The following SSBP4 variants were observed in gnomAD, a reference collection of about 807,000 sequenced individuals.
SSBP4 encodes the protein single-stranded DNA-binding protein 4.
In SSBP4, 33 loss-of-function variants were observed where a neutral mutation model predicts 64.6. That is an observed-to-expected ratio of 0.51 (90% CI 0.39 to 0.68). The LOEUF is 0.68. Among genes scored for constraint, SSBP4 ranks in the 30% least tolerant of loss-of-function variants. The pLI is 0.00. For missense variants in SSBP4, 583 were observed against 566.8 expected, an observed-to-expected ratio of 1.03 and a Z score of -0.29; for synonymous variants, 243 against 224.0, an observed-to-expected ratio of 1.08 and a Z score of -0.76.
At chr19:18,428,056 T>TGGGGGGCGTGGGGGTGGGGGGGGGGGGG in intron 4 of SSBP4, 74 bp downstream of exon 4, 1 of 444,262 alleles carries the variant, frequency 2.3e-6, no homozygotes, top group African/African-American at 3.2e-5. Flanking sequence ...GGAGGTGGGG[T>TGGGGGGCGTGGGGGTGGGGGGGGGGGGG]GGGGGGCTGC....
In SSBP4 at chr19:18,434,185, C is replaced by T. The variant is rs114490014; in HGVS notation, c.1129-32C>T. The T allele has an allele frequency of 3.0e-3, 4,835 of 1,609,714 alleles. 100 individuals carry two copies. The African/African-American group carries it at 0.051, about 17-fold the overall frequency. ...CAGCCTCTTCCGGAGCTGAACTCGG[C>T]CCCTGCGCGCTGCCCCCTCCTCTCT... On this transcript the variant is annotated intron_variant, in intron 17 of 17. Transcript: ENST00000270061.
the SSBP4 span, among the ~76,000 whole-genome samples, chr19:18,413,064 C>T: frequency 6.6e-6 from 1 of 151,834 alleles, no homozygotes; most frequent in South Asian, 2.1e-4. Flanking sequence ...TCAGCCCCGC[C>T]TGGGACAGCT....
chr19:18,425,071 T>C (rs1210313868), intron 1 of SSBP4, among the ~76,000 whole-genome samples: 1 of 34,764 alleles, frequency 2.9e-5, no homozygotes, highest in Non-Finnish European at 5.4e-5. Flanking sequence ...GGGCGGGGGC[T>C]GGAGGCAGGA....
rs745362798 is a variant in SSBP4 at position 18,431,803 on chromosome 19, GCCTCCCTGGCTCCCAGCCCCT to G, written c.517_537del (p.Ser173_Gly179del). On this transcript the variant is annotated inframe_deletion, in exon 8 of 18. Transcript: ENST00000270061. ...GCACCCCCTCCGCAGCCTCCCGCAGGCCTCCCTGGCTCCCAGCCCCTCCTCCCTGGCGCCATGGAGCCCTCC... is the reference window on the plus strand; with the variant it reads ...GCACCCCCTCCGCAGCCTCCCGCAGGCCTCCCTGGCGCCATGGAGCCCTCC... The G allele has an allele frequency of 1.2e-5, 19 of 1,560,576 alleles. No individual in the cohort carries two copies. Among genetic ancestry groups the G allele is most frequent in the African/African-American group, 4.1e-5 (3 of 73,618 alleles).
chr19:18,410,480 A>G, the SSBP4 span, among the ~76,000 whole-genome samples: 10 of 152,304 alleles, frequency 6.6e-5, no homozygotes, highest in Non-Finnish European at 1.3e-4. Context: ...CTAGAAAAAA[A>G]TATGGACAAA....
upstream of SSBP4, chr19:18,419,020 G>A (rs185100431): frequency 1.0e-6 from 1 of 985,600 alleles, no homozygotes; most frequent in Non-Finnish European, 1.2e-6. Context: ...ACTGCCTGAG[G>A]CTTTATGGGG....
At chr19:18,434,079 C>T (rs1295998490) in intron 17 of SSBP4, 138 bp from the exon 18 acceptor site, 2 of 1,373,696 alleles carry the variant, frequency 1.5e-6, no homozygotes, top group Non-Finnish European at 9.4e-7. Context: ...ATCGCCCCTC[C>T]CCCGTTCCCT....
At chr19:18,405,386 C>T in the SSBP4 span, among the ~76,000 whole-genome samples, 15,689 of 151,900 alleles carry the variant, frequency 0.1, 1,074 homozygotes, top group South Asian at 0.14. Flanking sequence ...CCACGCCAGG[C>T]GTGATGGCTC....
chr19:18,431,582 G>A, intron 6 of SSBP4, 65 bp from the exon 7 acceptor site: 1 of 1,508,548 alleles, frequency 6.6e-7, no homozygotes, highest in South Asian at 1.2e-5. Flanking sequence ...CAGCATAGCA[G>A]GAATGGGGTA....
intron 17 of SSBP4, 102 bp downstream of exon 17, chr19:18,433,919 C>T (rs934271758): frequency 1.6e-6 from 2 of 1,252,788 alleles, no homozygotes; most frequent in East Asian, 3.3e-5. Flanking sequence ...AAGACCGTGA[C>T]CGCGGCGGGC....
intron 4 of SSBP4, among the ~76,000 whole-genome samples, chr19:18,429,154 C>T (rs955618979): frequency 6.6e-6 from 1 of 152,084 alleles, no homozygotes; most frequent in African/African-American, 2.4e-5. Flanking sequence ...CCGTCGCCTC[C>T]GTTGCTCTCG....
intron 1 of SSBP4, among the ~76,000 whole-genome samples, chr19:18,422,699 G>A (rs367562901): frequency 2.6e-4 from 39 of 152,230 alleles, no homozygotes; most frequent in Non-Finnish European, 4.3e-4. Context: ...GTGGGAGCCC[G>A]TAGGCAGAGC....
rs747378782 is a variant in SSBP4 at position 18,421,884 on chromosome 19, G to A, written c.59+2177G>A. Among the ~76,000 whole-genome samples the A allele has an allele frequency of 6.0e-4, 91 of 152,224 alleles. 1 individual carries two copies. The highest frequency in any genetic ancestry group is 6.8e-3 in the Middle Eastern group (2 of 294). ...TGAAAGAGAGCTGGGGAGGCCGGGC[G>A]TGGTGGCTCACGCCTATAATCATCC... On this transcript the variant is annotated intron_variant, in intron 1 of 17. Coordinates refer to ENST00000270061, the MANE Select transcript of SSBP4 (RefSeq NM_032627.5).
At chr19:18,413,847 T>C in the SSBP4 span, among the ~76,000 whole-genome samples, 438 of 152,106 alleles carry the variant, frequency 2.9e-3, 4 homozygotes, top group African/African-American at 0.01. Context: ...TGAAACCCCG[T>C]CTCTACTAAA....
chr19:18,429,615 G>C (rs1177842689), intron 4 of SSBP4, among the ~76,000 whole-genome samples: 1 of 151,790 alleles, frequency 6.6e-6, no homozygotes, highest in Non-Finnish European at 1.5e-5. Context: ...GGACCGGAGG[G>C]GCCGCCTGGG....
the SSBP4 span, among the ~76,000 whole-genome samples, chr19:18,405,628 C>T: frequency 6.6e-6 from 1 of 152,144 alleles, no homozygotes; most frequent in South Asian, 2.1e-4. Context: ...CCCACCTCAG[C>T]CTCCAGAGTA....
In SSBP4 at chr19:18,424,192, C is replaced by T. The variant is rs1015746452; in HGVS notation, c.60-3159C>T. 2.0e-5 allele frequency among the ~76,000 whole-genome samples: 3 copies of T among 152,232 alleles called. No homozygotes were observed. In the East Asian group the frequency reaches 5.8e-4, roughly 29 times the overall value. On this transcript the variant is annotated intron_variant, in intron 1 of 17. Coordinates refer to ENST00000270061, the MANE Select transcript of SSBP4 (RefSeq NM_032627.5). Reference sequence around the variant, plus strand: ...TCGCTCCCAGGATAAACTCCCAAATCCTCAGTATGGACAGAATAGCTGCTG... The same window carrying T: ...TCGCTCCCAGGATAAACTCCCAAATTCTCAGTATGGACAGAATAGCTGCTG...
At chr19:18,433,068 T>C (rs1378504400) in intron 14 of SSBP4, 25 bp downstream of exon 14, 2 of 1,613,900 alleles carry the variant, frequency 1.2e-6, no homozygotes, top group East Asian at 2.2e-5. Context: ...GCAGGGGTGC[T>C]TCTCGAGGCG....
In SSBP4 at chr19:18,431,335, C is replaced by T; in HGVS notation, c.370-18C>T. On this transcript the variant is annotated intron_variant, in intron 5 of 17. Coordinates refer to ENST00000270061, the MANE Select transcript of SSBP4 (RefSeq NM_032627.5). ...TAGGGCCTCACTCCCCCCCACCCAC[C>T]TGGTTCTGTCCTCCTAGGGCCCCCC... 2 of 718,620 alleles carry T rather than the reference C, an allele frequency of 2.8e-6. No individual in the cohort carries two copies. Among genetic ancestry groups the T allele is most frequent in the Admixed American group, 2.9e-5 (1 of 34,958 alleles). 44.5% of individuals were successfully genotyped at this position (718,620 alleles called of 1,614,324 possible). A position where few individuals can be genotyped will look rare whatever the true frequency, so the allele number is the denominator to read the frequency against.
Sources: allele counts gnomAD v4.1 joint callset (sites outside exome capture counted in the v4.1 genomes callset), GRCh38; gene constraint gnomAD v4.1.1; transcripts MANE v1.5; gene names NCBI Gene and HGNC (gene_info 2026-07-23, HGNC 2026-07-21).